The following PGD variants were observed in gnomAD, a reference collection of about 807,000 sequenced individuals.
PGD encodes 6-phosphogluconate dehydrogenase, decarboxylating.
PGD carries 21 observed loss-of-function variants against 60.4 expected under a neutral mutation model. The ratio of observed to expected loss-of-function variants is 0.35; its 90% CI spans 0.25 to 0.50. The LOEUF is 0.50. Ranked by LOEUF, PGD falls within the 20% of genes least tolerant of loss-of-function variation. The probability of loss-of-function intolerance (pLI) is 0.98; values close to 1 mark genes in which losing one functional copy is unlikely to be tolerated. For synonymous variants in PGD, 230 were observed against 235.9 expected, an observed-to-expected ratio of 0.97 and a Z score of 0.23; for missense variants, 477 against 613.1, an observed-to-expected ratio of 0.78 and a Z score of 2.34.
chr1:10,417,174 G>T, intron 9 of PGD, 57 bp downstream of exon 9: 1 of 1,595,860 alleles, frequency 6.3e-7, no homozygotes. Flanking sequence ...CAGTGGGGGT[G>T]GGGGTTGTGG....
rs530890949 is a variant in PGD at position 10,402,833 on chromosome 1, A to T, written c.265-238A>T. ...CCACCGCGCCTGGCCTACAAAAAAA[A>T]TTTTAAAACTAGCTGGGCATTGTGG... On this transcript the variant is annotated intron_variant, in intron 3 of 12. Transcript: ENST00000270776. 9.9e-5 allele frequency among the ~76,000 whole-genome samples: 15 copies of T among 152,084 alleles called. No individual in the cohort carries two copies. In the South Asian group the frequency reaches 2.9e-3, roughly 30 times the overall value.
intron 4 of PGD, among the ~76,000 whole-genome samples, chr1:10,403,736 G>C (rs1457929596): frequency 6.6e-6 from 1 of 152,098 alleles, no homozygotes; most frequent in African/African-American, 2.4e-5. Flanking sequence ...TGATATGTCA[G>C]TCTATAACTG....
chr1:10,404,736 G>GC (rs1333901326), intron 5 of PGD, among the ~76,000 whole-genome samples: 3 of 152,080 alleles, frequency 2.0e-5, no homozygotes. Context: ...CTGACCTTAG[G>GC]CGATCTGCCC....
rs562535917 is a variant in PGD at position 10,400,527 on chromosome 1, C to T, written c.219C>T (p.Leu73=). The change falls in exon 3 of 13, where the codon CTC becomes CTT. Residue 73 remains leucine (L), a synonymous_variant. Transcript: ENST00000270776. ...TGAAGAAGCCCCGGCGGATCATCCT[C>T]CTGGTGAAGGCTGGGCAAGCTGTGG... is the stretch of plus-strand genomic sequence containing the variant. The part of the protein sequence containing the change: ...SKLKKPRRII[L]LVKAGQAVDD... 22 of 1,614,064 alleles carry T rather than the reference C, an allele frequency of 1.4e-5. No individual in the cohort carries two copies. Among genetic ancestry groups the T allele is most frequent in the Admixed American group, 5.0e-5 (3 of 59,986 alleles).
chr1:10,417,146 T>C (rs779711953), intron 9 of PGD, 29 bp downstream of exon 9: 29 of 1,612,780 alleles, frequency 1.8e-5, no homozygotes, highest in Middle Eastern at 1.7e-4. Context: ...CAGTGGTCTT[T>C]GTTGGTCCTG....
At position 10,417,386 on chromosome 1, in the gene PGD, C is replaced by A; in HGVS notation, c.986C>A (p.Ala329Asp). ...TGTGTCACTCTTTAGGCACTCTACG[C>A]TTCCAAGATCATCTCTTACGCTCAA... ...FLEDIRKALY[A>D]SKIISYAQGF... The change falls in exon 10 of 13, where the codon GCT becomes GAT. Residue 329 changes from alanine (A) to aspartate (D), a missense_variant. Transcript: ENST00000270776. 1 of 1,610,588 alleles carries A rather than the reference C, an allele frequency of 6.2e-7. No individual in the cohort carries two copies.
At chr1:10,408,894 C>T (rs901356300) in intron 6 of PGD, among the ~76,000 whole-genome samples, 5 of 152,158 alleles carry the variant, frequency 3.3e-5, no homozygotes, top group Admixed American at 6.5e-5. Flanking sequence ...TACAGGCATG[C>T]GCCACCATGC....
In PGD at chr1:10,401,475, G is replaced by C. The variant is rs145441648; in HGVS notation, c.264+903G>C. Among the ~76,000 whole-genome samples, 3 of 152,150 alleles carry C rather than the reference G, an allele frequency of 2.0e-5. No homozygotes were observed. The South Asian group carries it at 6.2e-4, about 32-fold the overall frequency. On this transcript the variant is annotated intron_variant, in intron 3 of 12. Transcript: ENST00000270776. ...CTGAGCATTCCTTTCTAGAGGAGTCGTGTCAACAGTGGGGTTGTTTCCACA... is the reference window on the plus strand; with the variant it reads ...CTGAGCATTCCTTTCTAGAGGAGTCCTGTCAACAGTGGGGTTGTTTCCACA...
chr1:10,404,867 C>T (rs1219640129), intron 5 of PGD, among the ~76,000 whole-genome samples: 2 of 152,162 alleles, frequency 1.3e-5, no homozygotes, highest in Non-Finnish European at 2.9e-5. Flanking sequence ...GGAATAAGGT[C>T]TGCCTCTTTT....
At chr1:10,406,892 G>A (rs1211301839) in intron 5 of PGD, among the ~76,000 whole-genome samples, 1 of 152,172 alleles carries the variant, frequency 6.6e-6, no homozygotes, top group African/African-American at 2.4e-5. Context: ...ATGAAAGAGG[G>A]TCTCTTCACT....
chr1:10,405,134 GGAGGCT>G (rs1252096398), intron 5 of PGD, among the ~76,000 whole-genome samples: 1 of 151,984 alleles, frequency 6.6e-6, no homozygotes, highest in Non-Finnish European at 1.5e-5. Flanking sequence ...CAGCACTTCG[GGAGGCT>G]GAGGCAGGCA....
In PGD at chr1:10,417,074, A is replaced by T. The variant is rs761780325; in HGVS notation, c.932A>T (p.Gln311Leu). The T allele has an allele frequency of 8.1e-6, 13 of 1,613,834 alleles. No individual in the cohort carries two copies. The African/African-American group carries it at 1.7e-4, about 22-fold the overall frequency. The change falls in exon 9 of 13, where the codon CAG (glutamine) becomes CTG (leucine). Residue 311 changes from glutamine (Q) to leucine (L), a missense_variant. Gln to Leu is a moderately radical substitution (Grantham distance 113). Around this residue, in one of 3 missense-constraint regions of PGD, gnomAD observed 431 missense variants for 556.6 expected, o/e 0.77. Transcript: ENST00000270776. ...SKKLKGPQKF[Q>L]FDGDKKSFLE... ...AAGCTGAAGGGTCCCCAGAAGTTCCAGTTTGATGGTGATAAGAAATCATTC... is the reference window on the plus strand; with the variant it reads ...AAGCTGAAGGGTCCCCAGAAGTTCCTGTTTGATGGTGATAAGAAATCATTC...
chr1:10,409,296 C>G (rs1183063944), intron 6 of PGD, among the ~76,000 whole-genome samples: 1 of 152,204 alleles, frequency 6.6e-6, no homozygotes, highest in Non-Finnish European at 1.5e-5. Flanking sequence ...CAGCAGCTCA[C>G]TTGTCCTTAC....
Position 10,408,128 on chromosome 1 carries a change from C to G in PGD, c.507C>G (p.Pro169=), listed in dbSNP as rs371025944. 796 of 1,590,890 alleles carry G rather than the reference C, an allele frequency of 5.0e-4. 1 individual carries two copies. Among genetic ancestry groups the G allele is most frequent in the Non-Finnish European group, 4.0e-4 (459 of 1,158,720 alleles). The part of the protein sequence containing the change: ...GIAAKVGTGE[P]CCDWVGDEGA... The stretch of plus-strand genomic sequence containing the variant: ...CTGCAAAAGTGGGAACTGGAGAACC[C>G]TGCTGTGACTGGGCAAGTTCTGGGC... Residue 169 remains proline (P), a synonymous_variant, in exon 6 of 13, where the codon CCC becomes CCG. Coordinates refer to ENST00000270776, the MANE Select transcript of PGD (RefSeq NM_002631.4).
At chr1:10,409,960 A>G (rs1177308622) in intron 6 of PGD, among the ~76,000 whole-genome samples, 1 of 152,078 alleles carries the variant, frequency 6.6e-6, no homozygotes, top group Non-Finnish European at 1.5e-5. Context: ...CCAGCCTGCA[A>G]CTTTTTTTTA....
rs142466237 is a variant in PGD, at chr1:10,399,665, C to T, written c.45C>T (p.Gly15=). Residue 15 remains glycine, a synonymous_variant, in exon 2 of 13, where the codon GGC becomes GGT. Coordinates refer to ENST00000270776, the MANE Select transcript of PGD (RefSeq NM_002631.4). ...DIALIGLAVM[G]QNLILNMNDH... is the part of the protein sequence containing the mutation. The stretch of plus-strand genomic sequence containing the variant: ...CGCTGATCGGATTGGCCGTCATGGG[C>T]CAGAACTTAATTCTGAACATGAATG... 1.7e-5 allele frequency: 28 copies of T among 1,613,962 alleles called. No individual in the cohort carries two copies. In the African/African-American group the frequency reaches 2.0e-4, roughly 12 times the overall value.
At chr1:10,409,907 T>C (rs937094761) in intron 6 of PGD, among the ~76,000 whole-genome samples, 6 of 152,080 alleles carry the variant, frequency 3.9e-5, no homozygotes, top group Non-Finnish European at 5.9e-5. Flanking sequence ...CGGCCCACCT[T>C]GGCCTCCCAA....
rs2102390999 is a variant in PGD, at chr1:10,408,074, C to G, written c.453C>G (p.Pro151=). 3 of 1,596,312 alleles carry G rather than the reference C, an allele frequency of 1.9e-6. No individual in the cohort carries two copies. Among genetic ancestry groups the G allele is most frequent in the Non-Finnish European group, 2.6e-6 (3 of 1,163,670 alleles). Residue 151 remains proline (P), a synonymous_variant, in exon 6 of 13, where the codon CCC becomes CCG. Transcript: ENST00000270776. The part of the protein sequence containing the change: ...LMPGGNKEAW[P]HIKTIFQGIA... ...ACCACACTGTTTCTTTACACAGGCC[C>G]CACATCAAGACCATCTTCCAAGGCA...
intron 8 of PGD, among the ~76,000 whole-genome samples, chr1:10,415,851 CTTAATA>C (rs1639585720): frequency 6.6e-6 from 1 of 152,154 alleles, no homozygotes; most frequent in African/African-American, 2.4e-5. Context: ...TACTAAATGT[CTTAATA>C]TTAAAATACT....
Sources: allele counts gnomAD v4.1 joint callset (sites outside exome capture counted in the v4.1 genomes callset), GRCh38; gene constraint gnomAD v4.1.1; regional missense constraint gnomAD v4.1.1; transcripts MANE v1.5; gene names NCBI Gene and HGNC (gene_info 2026-07-23, HGNC 2026-07-21).